Variants in ANK2 observed in about 807,000 individuals in gnomAD.
ANK2 encodes ankyrin 2, also known as ankyrin-2.
A neutral mutation model predicts 360.5 loss-of-function variants in ANK2; 83 were observed. That is an observed-to-expected ratio of 0.23 (90% confidence interval 0.19 to 0.28). The LOEUF (loss-of-function observed/expected upper bound fraction) is 0.28. Among genes scored for constraint, ANK2 ranks in the 10% least tolerant of loss-of-function variants. The pLI, the probability that ANK2 is intolerant of heterozygous loss-of-function variation, is 1.00. For synonymous variants in ANK2, 1,740 were observed against 1,759.5 expected, an observed-to-expected ratio of 0.99 and a Z score of 0.28; for missense variants, 4,201 against 4,795.7, an observed-to-expected ratio of 0.88 and a Z score of 3.66.
intron 2 of ANK2, among the ~76,000 whole-genome samples, chr4:112,932,938 G>A (rs776329724): frequency 1.3e-5 from 2 of 151,820 alleles, no homozygotes; most frequent in African/African-American, 2.4e-5. Context: ...TTTTCTATTT[G>A]GTTATAATTT....
At position 113,021,526 on chromosome 4, in the gene ANK2, A is replaced by ACC. The variant is rs1390532994; in HGVS notation, c.21+117013_21+117014insCC. Among the ~76,000 whole-genome samples, 14 of 60,970 alleles carry ACC rather than the reference A, an allele frequency of 2.3e-4. No individual in the cohort carries two copies. In the East Asian group the frequency reaches 6.1e-3, roughly 27 times the overall value. 40.0% of individuals were successfully genotyped at this position (60,970 alleles called of 152,430 possible). On this transcript the variant is annotated intron_variant, in intron 2 of 30. Transcript: ENST00000503271. ...ATATTATGTGTATATATACACACAC[A>ACC]CACCCACACACAAACATATATATAT...
rs2096778782 is a variant in ANK2, at chr4:113,145,061, A to T, written c.85-29355A>T. On this transcript the variant is annotated intron_variant, in intron 1 of 45. Transcript: ENST00000357077. ...GATTATTGTTTGTAAAGCTGGGGAAAACATTTTCAAAATACTAAAAATTAA... is the reference window on the plus strand; with the variant it reads ...GATTATTGTTTGTAAAGCTGGGGAATACATTTTCAAAATACTAAAAATTAA... Among the ~76,000 whole-genome samples, 4 of 152,086 alleles carry T rather than the reference A, an allele frequency of 2.6e-5. No homozygotes were observed. The South Asian group carries it at 8.3e-4, about 32-fold the overall frequency.
At chr4:113,000,735 A>G (rs984351457) in intron 2 of ANK2, among the ~76,000 whole-genome samples, 1 of 152,224 alleles carries the variant, frequency 6.6e-6, no homozygotes, top group Non-Finnish European at 1.5e-5. Flanking sequence ...GGCCAATCAC[A>G]TCATCCACCA....
intron 21 of ANK2, 38 bp from the exon 22 acceptor site, chr4:113,293,402 T>C: frequency 6.3e-7 from 1 of 1,575,204 alleles, no homozygotes; most frequent in South Asian, 1.1e-5. Context: ...CAGTCCTCTC[T>C]CTTATTTCTC....
At chr4:112,978,644 G>A (rs2042172203) in intron 2 of ANK2, among the ~76,000 whole-genome samples, 1 of 152,160 alleles carries the variant, frequency 6.6e-6, no homozygotes, top group Non-Finnish European at 1.5e-5. Context: ...CTTGTGGCAT[G>A]TATCTGAATA....
chr4:113,097,864 G>GTATATA lies in ANK2; in HGVS notation c.84+48053_84+48054insATATAT, dbSNP rs1369796742. Among the ~76,000 whole-genome samples, 168 of 136,556 alleles carry GTATATA rather than the reference G, an allele frequency of 1.2e-3. 2 individuals carry two copies. Among genetic ancestry groups the GTATATA allele is most frequent in the Admixed American group, 1.8e-3 (25 of 14,184 alleles). 89.6% of individuals were successfully genotyped at this position (136,556 alleles called of 152,430 possible). On this transcript the variant is annotated intron_variant, in intron 1 of 45. Coordinates refer to ENST00000357077, the MANE Select transcript of ANK2 (RefSeq NM_001148.6). ...TATGTGTGTGTGTGTGTGTGTGTGT[G>GTATATA]TGTATATATATGCACACACACACAC...
At chr4:112,793,090 C>G in the ANK2 span, among the ~76,000 whole-genome samples, 1 of 151,942 alleles carries the variant, frequency 6.6e-6, no homozygotes, top group African/African-American at 2.4e-5. Context: ...TCAATTTATA[C>G]TATTAAAAAC....
chr4:113,341,963 C>A, intron 33 of ANK2, 47 bp downstream of exon 33: 1 of 1,382,480 alleles, frequency 7.2e-7, no homozygotes, highest in Non-Finnish European at 1.0e-6. Flanking sequence ...TGTTGTTATA[C>A]CTGCATTAAT....
the ANK2 span, among the ~76,000 whole-genome samples, chr4:112,715,095 C>G: frequency 6.6e-6 from 1 of 152,194 alleles, no homozygotes; most frequent in Non-Finnish European, 1.5e-5. Context: ...GAGCAATAAT[C>G]ATCTAAGATT....
chr4:112,841,729 A>T (rs1293975903), intron 1 of ANK2, among the ~76,000 whole-genome samples: 1 of 152,210 alleles, frequency 6.6e-6, no homozygotes, highest in African/African-American at 2.4e-5. Flanking sequence ...GGTTTGCTCC[A>T]TAAACTCTTA....
intron 45 of ANK2, among the ~76,000 whole-genome samples, chr4:113,379,680 G>A (rs1025366311): frequency 2.6e-5 from 4 of 152,028 alleles, no homozygotes; most frequent in Non-Finnish European, 5.9e-5. Context: ...CTTTTCATCA[G>A]CAAGAACAAA....
rs143393441 is a variant in ANK2, at chr4:112,970,052, C to T, written c.21+65538C>T. On this transcript the variant is annotated intron_variant, in intron 2 of 30. Transcript: ENST00000503271. ...AGGCTGGAGTGCGATGGTGCTATCT[C>T]GGCTCACTGCAACCGCCGCCTCCCA... 5.0e-3 allele frequency among the ~76,000 whole-genome samples: 754 copies of T among 151,190 alleles called. 3 individuals carry two copies. Among genetic ancestry groups the T allele is most frequent in the African/African-American group, 0.017 (716 of 41,208 alleles).
chr4:113,113,796 C>A (rs541964369), intron 1 of ANK2, among the ~76,000 whole-genome samples: 1 of 152,176 alleles, frequency 6.6e-6, no homozygotes, highest in Non-Finnish European at 1.5e-5. Context: ...ATGAGCTACT[C>A]TCTTTCCTCA....
intron 2 of ANK2, among the ~76,000 whole-genome samples, chr4:112,942,874 A>C (rs934544012): frequency 6.6e-6 from 1 of 152,080 alleles, no homozygotes; most frequent in Non-Finnish European, 1.5e-5. Flanking sequence ...TAGTCCTAAC[A>C]ATATCTTTTT....
chr4:113,181,599 A>T (rs1400863378), intron 2 of ANK2, among the ~76,000 whole-genome samples: 2 of 152,168 alleles, frequency 1.3e-5, no homozygotes, highest in Non-Finnish European at 2.9e-5. Context: ...AAAATACAGC[A>T]GGGGAGAAGG....
the ANK2 span, among the ~76,000 whole-genome samples, chr4:112,781,876 CTGG>C: frequency 0.019 from 2,589 of 139,594 alleles, 93 homozygotes; most frequent in African/African-American, 0.063. Flanking sequence ...GTTGCCCAGG[CTGG>C]AGTGCAGTGG....
At chr4:113,341,386 G>T (rs768912246) in intron 32 of ANK2, among the ~76,000 whole-genome samples, 6 of 152,184 alleles carry the variant, frequency 3.9e-5, no homozygotes, top group Admixed American at 2.0e-4. Flanking sequence ...TCAGAAAACT[G>T]AATATTCAGA....
At chr4:113,332,264 A>G (rs553933874) in intron 28 of ANK2, among the ~76,000 whole-genome samples, 194 bp downstream of exon 28, 17 of 152,192 alleles carry the variant, frequency 1.1e-4, no homozygotes, top group Admixed American at 2.0e-4. Flanking sequence ...TGATGTTTTT[A>G]TATCTTTCCC....
At position 113,367,764 on chromosome 4, in the gene ANK2, C is replaced by A. The variant is rs121912705; in HGVS notation, c.11231C>A (p.Thr3744Asn). 1.2e-3 allele frequency: 1,890 copies of A among 1,613,958 alleles called. No individual in the cohort carries two copies. Among genetic ancestry groups the A allele is most frequent in the Non-Finnish European group, 1.6e-3 (1,830 of 1,180,016 alleles). ...DSSATALFPQ[T>N]HKEQVQQDFS... ...TCAGCAACAGCACTCTTTCCCCAAA[C>A]TCACAAGGAGCAAGTTCAACAGGAT... Residue 3744 changes from threonine to asparagine, a missense_variant, in exon 42 of 46, where the codon ACT becomes AAT. Physicochemically the swap from Thr to Asn is moderately conservative, Grantham distance 65 (BLOSUM62 0). Coordinates refer to ENST00000357077, the MANE Select transcript of ANK2 (RefSeq NM_001148.6).
Sources: allele counts gnomAD v4.1 joint callset (sites outside exome capture counted in the v4.1 genomes callset), GRCh38; gene constraint gnomAD v4.1.1; transcripts MANE v1.5; gene names NCBI Gene and HGNC (gene_info 2026-07-23, HGNC 2026-07-21).